SLC4A4: variants seen among roughly 807,000 people sequenced by gnomAD.
The protein encoded by SLC4A4 is solute carrier family 4 member 4.
SLC4A4 carries 27 observed loss-of-function variants against 111.5 expected under a neutral mutation model. That is an observed-to-expected ratio of 0.24 (90% confidence interval 0.18 to 0.33). The LOEUF (loss-of-function observed/expected upper bound fraction) is 0.33. SLC4A4 is among the 10% of genes least tolerant of loss of function. The pLI is 1.00. For missense variants in SLC4A4, 909 were observed against 1,315.5 expected (o/e 0.69, Z 4.78); for synonymous variants, 443 against 463.4 (o/e 0.96, Z 0.57).
intron 5 of SLC4A4, among the ~76,000 whole-genome samples, chr4:71,353,197 T>A (rs1729997167): frequency 6.6e-6 from 1 of 152,226 alleles, no homozygotes; most frequent in Admixed American, 6.5e-5. Flanking sequence ...CTGTGAACTT[T>A]TTCTCTAACC....
intron 7 of SLC4A4, among the ~76,000 whole-genome samples, chr4:71,424,518 G>T (rs1257786390): frequency 2.6e-5 from 4 of 151,970 alleles, no homozygotes; most frequent in African/African-American, 9.7e-5. Flanking sequence ...TATAAATCAT[G>T]CTGCTATAAA....
chr4:71,203,502 G>A (rs562153408), intron 1 of SLC4A4, among the ~76,000 whole-genome samples: 106 of 152,264 alleles, frequency 7.0e-4, no homozygotes, highest in African/African-American at 2.5e-3. Flanking sequence ...ACTTTGCAGA[G>A]GGTCCTGCTC....
rs192811744 is a variant in SLC4A4 at position 71,171,431 on chromosome 4, A to T, written c.-1-65145A>T. Among the ~76,000 whole-genome samples the T allele has an allele frequency of 1.5e-3, 232 of 152,298 alleles. 1 individual carries two copies. Among genetic ancestry groups the T allele is most frequent in the Non-Finnish European group, 5.1e-4 (35 of 68,018 alleles). ...CCTGGCTTCGTAACTTTGGTACTTG[A>T]GTGACTTGAGGTCAGTCACTTGATG... On this transcript the variant is annotated intron_variant, in intron 2 of 26. Coordinates refer to the SLC4A4 transcript ENST00000649996.
intron 1 of SLC4A4, among the ~76,000 whole-genome samples, chr4:71,086,754 C>G (rs1460475025): frequency 6.6e-6 from 1 of 152,002 alleles, no homozygotes; most frequent in Non-Finnish European, 1.5e-5. Flanking sequence ...AGGGATAAAG[C>G]CCACTTGATC....
At chr4:71,117,750 CCT>C (rs1743306596) in intron 2 of SLC4A4, among the ~76,000 whole-genome samples, 1 of 152,122 alleles carries the variant, frequency 6.6e-6, no homozygotes, top group South Asian at 2.1e-4. Flanking sequence ...GGGTTCTCTC[CCT>C]CTCTCTCTAC....
intron 4 of SLC4A4, among the ~76,000 whole-genome samples, chr4:71,340,671 C>T (rs1057042171): frequency 3.9e-5 from 6 of 152,012 alleles, no homozygotes; most frequent in East Asian, 3.9e-4. Context: ...TTTAGAGGCC[C>T]GAGTTTACTT....
chr4:71,562,412 C>T (rs565657366), intron 23 of SLC4A4, among the ~76,000 whole-genome samples: 5 of 151,768 alleles, frequency 3.3e-5, no homozygotes, highest in African/African-American at 1.2e-4. Flanking sequence ...CATGCGGGGA[C>T]ATGAGGGTTA....
At chr4:71,108,446 T>G (rs1022545043) in intron 2 of SLC4A4, among the ~76,000 whole-genome samples, 1 of 152,234 alleles carries the variant, frequency 6.6e-6, no homozygotes, top group African/African-American at 2.4e-5. Context: ...TTTAGCACTT[T>G]AAACAAAATA....
At chr4:71,512,413 T>C (rs936710948) in intron 16 of SLC4A4, among the ~76,000 whole-genome samples, 1 of 152,228 alleles carries the variant, frequency 6.6e-6, no homozygotes, top group African/African-American at 2.4e-5. Flanking sequence ...GAGCATTTTT[T>C]CATATACCTG....
intron 1 of SLC4A4, among the ~76,000 whole-genome samples, chr4:71,193,284 C>A (rs531617887): frequency 6.6e-6 from 1 of 152,152 alleles, no homozygotes; most frequent in African/African-American, 2.4e-5. Flanking sequence ...CTCAGCCTCC[C>A]GAGTAGCTGG....
chr4:71,084,000 G>GTCTC (rs146795435), intron 1 of SLC4A4, among the ~76,000 whole-genome samples: 57 of 148,404 alleles, frequency 3.8e-4, no homozygotes, highest in African/African-American at 9.6e-4. Flanking sequence ...GGCTGGAGCT[G>GTCTC]TCTCTCTCTC....
intron 6 of SLC4A4, among the ~76,000 whole-genome samples, chr4:71,365,719 C>CTA (rs573028453): frequency 5.7e-4 from 87 of 152,142 alleles, no homozygotes; most frequent in Non-Finnish European, 7.8e-4. Context: ...TTTTCCAACA[C>CTA]TCTTCAAGAT....
chr4:71,257,364 A>G (rs765717539), intron 3 of SLC4A4, among the ~76,000 whole-genome samples: 77 of 152,328 alleles, frequency 5.1e-4, no homozygotes, highest in Middle Eastern at 6.8e-3. Context: ...CTGCTGATCA[A>G]TGTTATACAC....
chr4:71,312,075 A>G, intron 3 of SLC4A4, among the ~76,000 whole-genome samples: 1 of 152,222 alleles, frequency 6.6e-6, no homozygotes, highest in East Asian at 1.9e-4. Flanking sequence ...CACAATAAAA[A>G]TTGATAAAGG....
chr4:71,274,314 C>T (rs533035538), intron 3 of SLC4A4, among the ~76,000 whole-genome samples: 1 of 152,228 alleles, frequency 6.6e-6, no homozygotes, highest in Admixed American at 6.5e-5. Flanking sequence ...GATGGTCTTG[C>T]TGTCTCAGGG....
At chr4:71,161,726 G>T (rs1161058644) in intron 2 of SLC4A4, among the ~76,000 whole-genome samples, 2 of 152,118 alleles carry the variant, frequency 1.3e-5, no homozygotes, top group Non-Finnish European at 2.9e-5. Context: ...TAGGAGCCTG[G>T]CAGGTGATAA....
At chr4:71,461,832 C>T (rs868182221) in intron 12 of SLC4A4, among the ~76,000 whole-genome samples, 8 of 152,166 alleles carry the variant, frequency 5.3e-5, no homozygotes, top group South Asian at 2.1e-4. Context: ...TTTTGGATAT[C>T]GATTTTGACT....
At chr4:71,510,458 GTCT>G (rs1258722341) in intron 16 of SLC4A4, among the ~76,000 whole-genome samples, 2 of 152,102 alleles carry the variant, frequency 1.3e-5, no homozygotes, top group African/African-American at 4.8e-5. Context: ...AAATTTTTAT[GTCT>G]TCTTATGAAT....
intron 7 of SLC4A4, among the ~76,000 whole-genome samples, chr4:71,416,368 GACA>G (rs1481244457): frequency 1.3e-5 from 2 of 152,184 alleles, no homozygotes; most frequent in Non-Finnish European, 2.9e-5. Context: ...GTAAGAGATT[GACA>G]ACAATAATTA....
Sources: gnomAD v4.1 joint callset for allele counts (sites outside exome capture counted in the v4.1 genomes callset) on GRCh38, gnomAD v4.1.1 for gene constraint, MANE v1.5 for transcripts, NCBI Gene and HGNC (gene_info 2026-07-23, HGNC 2026-07-21) for gene names.